The following ITGB3BP variants were observed in gnomAD, a reference collection of about 807,000 sequenced individuals.
ITGB3BP encodes integrin subunit beta 3 binding protein, also known as centromere protein R.
In ITGB3BP, 27 loss-of-function variants were observed where a neutral mutation model predicts 29.1. That is an observed-to-expected ratio of 0.93 (90% CI 0.68 to 1.28). The LOEUF (loss-of-function observed/expected upper bound fraction) is 1.28. ITGB3BP is among the 50% of genes most tolerant of loss of function. ITGB3BP has a pLI of 0.00. For missense variants in ITGB3BP, 192 were observed against 200.2 expected, an observed-to-expected ratio of 0.96 and a Z score of 0.25; for synonymous variants, 61 against 61.4, an observed-to-expected ratio of 0.99 and a Z score of 0.03.
chr1:63,525,126 G>A (rs1646563151), upstream of ITGB3BP, among the ~76,000 whole-genome samples: 1 of 152,062 alleles, frequency 6.6e-6, no homozygotes, highest in African/African-American at 2.4e-5. Flanking sequence ...TACGTGTCAA[G>A]CAATATTGTA....
intron 4 of ITGB3BP, among the ~76,000 whole-genome samples, chr1:63,463,334 T>A (rs983593330): frequency 6.7e-6 from 1 of 149,770 alleles, no homozygotes; most frequent in East Asian, 2.0e-4. Flanking sequence ...ACTACAGTGG[T>A]AGATACAAGA....
chr1:63,472,262 G>C (rs1027645439), intron 4 of ITGB3BP, among the ~76,000 whole-genome samples: 11 of 151,286 alleles, frequency 7.3e-5, no homozygotes, highest in African/African-American at 2.2e-4. Context: ...ACCAAACACT[G>C]AATCTACAGT....
At chr1:63,484,841 T>C (rs1325069531) in intron 3 of ITGB3BP, among the ~76,000 whole-genome samples, 1 of 152,122 alleles carries the variant, frequency 6.6e-6, no homozygotes, top group East Asian at 1.9e-4. Context: ...TGTGGATTTA[T>C]CAGTTTCTCC....
At chr1:63,469,102 T>G (rs78015003) in intron 4 of ITGB3BP, among the ~76,000 whole-genome samples, 2,158 of 151,640 alleles carry the variant, frequency 0.014, 45 homozygotes, top group African/African-American at 0.05. Context: ...AGCTGTTATT[T>G]TACCTCTCTA....
chr1:63,492,139 G>GA (rs1172067130), intron 2 of ITGB3BP, among the ~76,000 whole-genome samples: 1 of 151,542 alleles, frequency 6.6e-6, no homozygotes, highest in Non-Finnish European at 1.5e-5. Flanking sequence ...TTTCTCCTTG[G>GA]AAACAATTTT....
intron 2 of ITGB3BP, among the ~76,000 whole-genome samples, chr1:63,499,204 C>T (rs1380633421): frequency 1.4e-5 from 2 of 147,282 alleles, no homozygotes; most frequent in African/African-American, 2.5e-5. Context: ...TCTTGTTGCC[C>T]AGGCTGGAGG....
intron 4 of ITGB3BP, among the ~76,000 whole-genome samples, chr1:63,473,414 C>T (rs1002818855): frequency 3.5e-5 from 5 of 143,542 alleles, no homozygotes; most frequent in Admixed American, 3.3e-4. Context: ...GCCCGGCCGC[C>T]CCTACTGGGA....
At position 63,473,332 on chromosome 1, in the gene ITGB3BP, C is replaced by T. The variant is rs568252543; in HGVS notation, c.254+5432G>A. On this transcript the variant is annotated intron_variant, in intron 4 of 8. Transcript: ENST00000271002. ...GTCTCCGCCCGGCAGCCACCCCGTC[C>T]GGGAGGGAGGTGGCGGGGGGTCAGC... Among the ~76,000 whole-genome samples, 431 of 151,566 alleles carry T rather than the reference C, an allele frequency of 2.8e-3. 1 individual carries two copies. Among genetic ancestry groups the T allele is most frequent in the African/African-American group, 9.8e-3 (404 of 41,322 alleles).
At chr1:63,483,663 C>T (rs1316838255) in intron 3 of ITGB3BP, among the ~76,000 whole-genome samples, 1 of 152,130 alleles carries the variant, frequency 6.6e-6, no homozygotes, top group Non-Finnish European at 1.5e-5. Context: ...AGTTTTCAAT[C>T]ATTCTTCCTT....
intron 2 of ITGB3BP, among the ~76,000 whole-genome samples, chr1:63,502,768 G>A (rs973317305): frequency 6.7e-6 from 1 of 150,004 alleles, no homozygotes; most frequent in Non-Finnish European, 1.5e-5. Context: ...CGCGGTGTTT[G>A]GTTTTTTGTC....
At position 63,454,038 on chromosome 1, in the gene ITGB3BP, G is replaced by A; in HGVS notation, c.428-64C>T. ...GAATATGGATAATTTCTCAATACTTGCAACAAACAACTTCATGAGAAAAAA... is the reference window on the plus strand; with the variant it reads ...GAATATGGATAATTTCTCAATACTTACAACAAACAACTTCATGAGAAAAAA... On this transcript the variant is annotated intron_variant, in intron 6 of 8. Transcript: ENST00000271002. This position sits in a 1 kb window ranked among gnomAD's most constrained non-coding sequence, Gnocchi z 4.1. The A allele has an allele frequency of 2.3e-6, 2 of 862,798 alleles. No individual in the cohort carries two copies. The highest frequency in any genetic ancestry group is 1.9e-6 in the Non-Finnish European group (1 of 536,698). 53.4% of individuals were successfully genotyped at this position (862,798 alleles called of 1,614,324 possible).
At chr1:63,527,469 C>T (rs1159165225), upstream of ITGB3BP, among the ~76,000 whole-genome samples, 2 of 152,020 alleles carry the variant, frequency 1.3e-5, no homozygotes, top group African/African-American at 2.4e-5. Context: ...AGGTCAGAGA[C>T]AGCGGTAGCA....
rs1356680147 is a variant in ITGB3BP at position 63,454,595 on chromosome 1, T to C, written c.334-122A>G. On this transcript the variant is annotated intron_variant, in intron 5 of 8. Transcript: ENST00000271002. The surrounding 1 kb of genome is among the most constrained non-coding windows in gnomAD (Gnocchi z 4.1). ...AAAACTTAAACTTTATGTTAGGATATTTAACTGTTTCTGGCAGGCCAACTA... is the reference window on the plus strand; with the variant it reads ...AAAACTTAAACTTTATGTTAGGATACTTAACTGTTTCTGGCAGGCCAACTA... 2 of 510,220 alleles carry C rather than the reference T, an allele frequency of 3.9e-6. No homozygotes were observed. The highest frequency in any genetic ancestry group is 7.4e-5 in the Admixed American group (2 of 27,146). The allele number at this position is 510,220 out of a possible 1,614,324, so 31.6% of individuals were successfully genotyped here.
intron 2 of ITGB3BP, among the ~76,000 whole-genome samples, chr1:63,492,038 T>C (rs547077166): frequency 6.6e-6 from 1 of 152,336 alleles, no homozygotes; most frequent in African/African-American, 2.4e-5. Flanking sequence ...TACCCTAATG[T>C]ACATCTATAT....
intron 1 of ITGB3BP, among the ~76,000 whole-genome samples, chr1:63,518,065 G>A (rs922540647): frequency 7.2e-5 from 11 of 152,184 alleles, no homozygotes; most frequent in Non-Finnish European, 1.6e-4. Context: ...TTCTGTGTGT[G>A]CTTTTTTGAA....
chr1:63,523,456 C>G (rs1025929376), upstream of ITGB3BP: 1 of 436,806 alleles, frequency 2.3e-6, no homozygotes, highest in Non-Finnish European at 4.2e-6. Context: ...CGGATCAGCG[C>G]TTCCTAGATT....
chr1:63,446,489 C>A, intron 8 of ITGB3BP: 1 of 257,518 alleles, frequency 3.9e-6, no homozygotes, highest in East Asian at 7.6e-5. Context: ...TTTAGCTAGT[C>A]TATTTAGCTA....
chr1:63,471,262 G>A (rs1263889919), intron 4 of ITGB3BP, among the ~76,000 whole-genome samples: 1 of 125,384 alleles, frequency 8.0e-6, no homozygotes, highest in Non-Finnish European at 1.6e-5. Flanking sequence ...TCCTCTAAAA[G>A]TTTTTTTTTT....
At chr1:63,488,376 G>C (rs12730416) in intron 3 of ITGB3BP, among the ~76,000 whole-genome samples, 118 of 151,872 alleles carry the variant, frequency 7.8e-4, no homozygotes, top group African/African-American at 2.6e-3. Context: ...TCATGATAAG[G>C]GTTTTGGATC....
Sources: gnomAD v4.1 joint callset for allele counts (sites outside exome capture counted in the v4.1 genomes callset) on GRCh38, gnomAD v4.1.1 for gene constraint, Gnocchi (gnomAD v3.1) non-coding constraint, MANE v1.5 for transcripts, NCBI Gene and HGNC (gene_info 2026-07-23, HGNC 2026-07-21) for gene names.